DLGAP2: variants seen among roughly 807,000 people sequenced by gnomAD.
DLGAP2 encodes disks large-associated protein 2.
A neutral mutation model predicts 100.3 loss-of-function variants in DLGAP2; 26 were observed. The observed-to-expected ratio is 0.26, with a 90% CI of 0.19 to 0.36. DLGAP2 has a LOEUF of 0.36. Among genes scored for constraint, DLGAP2 ranks in the 10% least tolerant of loss-of-function variants. The pLI, the probability that DLGAP2 is intolerant of heterozygous loss-of-function variation, is 1.00. For missense variants in DLGAP2, 1,858 were observed against 1,453.2 expected, an observed-to-expected ratio of 1.28 and a Z score of -4.53; for synonymous variants, 886 against 630.1, an observed-to-expected ratio of 1.41 and a Z score of -6.08.
At chr8:1,110,478 A>T (rs1307746268) in intron 2 of DLGAP2, among the ~76,000 whole-genome samples, 1 of 140,888 alleles carries the variant, frequency 7.1e-6, no homozygotes, top group African/African-American at 2.7e-5. Flanking sequence ...GGTCTGTGAC[A>T]TGTGCTCGGT....
chr8:791,038 C>T (rs572616206), intron 1 of DLGAP2, among the ~76,000 whole-genome samples: 1 of 152,186 alleles, frequency 6.6e-6, no homozygotes, highest in Non-Finnish European at 1.5e-5. Flanking sequence ...CCACCACGCC[C>T]GGACCAACAT....
intron 3 of DLGAP2, among the ~76,000 whole-genome samples, chr8:1,392,710 T>G (rs949931365): frequency 3.9e-5 from 6 of 152,190 alleles, no homozygotes; most frequent in Non-Finnish European, 8.8e-5. Context: ...CACATCTGCG[T>G]TTCAGTGGAA....
intron 2 of DLGAP2, among the ~76,000 whole-genome samples, chr8:1,153,643 G>T (rs1472375946): frequency 6.6e-6 from 1 of 152,066 alleles, no homozygotes; most frequent in Non-Finnish European, 1.5e-5. Flanking sequence ...CTTTTCACAG[G>T]CGTATCAGAA....
intron 2 of DLGAP2, among the ~76,000 whole-genome samples, chr8:947,399 G>C (rs1336178349): frequency 6.6e-6 from 1 of 152,246 alleles, no homozygotes; most frequent in Non-Finnish European, 1.5e-5. Context: ...GGATTTTCAT[G>C]TTGCGCTGGC....
chr8:1,488,307 G>A lies in DLGAP2; in HGVS notation c.107-13059G>A, dbSNP rs564655550. On this transcript the variant is annotated intron_variant, in intron 3 of 14. Transcript: ENST00000637795. Reference sequence around the variant, plus strand: ...TTTGGCCACAGCAGGAGGACGCAGCGGGGTGGCTCTTCCATGGAGGCCACT... The same window carrying A: ...TTTGGCCACAGCAGGAGGACGCAGCAGGGTGGCTCTTCCATGGAGGCCACT... 7.9e-5 allele frequency among the ~76,000 whole-genome samples: 12 copies of A among 152,268 alleles called. No individual in the cohort carries two copies. The East Asian group carries it at 1.5e-3, about 20-fold the overall frequency.
intron 8 of DLGAP2, among the ~76,000 whole-genome samples, chr8:1,635,707 G>C (rs1185153722): frequency 1.3e-5 from 2 of 152,142 alleles, no homozygotes; most frequent in South Asian, 2.1e-4. Flanking sequence ...GTTATTATTA[G>C]ATTATTTCAC....
intron 2 of DLGAP2, among the ~76,000 whole-genome samples, chr8:941,604 G>C (rs902630972): frequency 6.6e-6 from 1 of 152,126 alleles, no homozygotes; most frequent in African/African-American, 2.4e-5. Context: ...AGCTCTCATC[G>C]TTCTGGAGAT....
chr8:960,736 G>A (rs946308656), intron 2 of DLGAP2, among the ~76,000 whole-genome samples: 3 of 152,124 alleles, frequency 2.0e-5, no homozygotes, highest in Non-Finnish European at 2.9e-5. Flanking sequence ...GTTATAGCCC[G>A]ATAAACCTAT....
In DLGAP2 at chr8:1,613,747, G is replaced by T. The variant is rs78997312; in HGVS notation, c.1443-12993G>T. ...AAGCCCTTTTTCGAGAACCTGTTCTGTACTGCTTCGGACAGATGTAGGTCT... is the reference window on the plus strand; with the variant it reads ...AAGCCCTTTTTCGAGAACCTGTTCTTTACTGCTTCGGACAGATGTAGGTCT... On this transcript the variant is annotated intron_variant, in intron 6 of 14. Coordinates refer to ENST00000637795, the MANE Select transcript of DLGAP2 (RefSeq NM_001346810.2). 3.9e-4 allele frequency among the ~76,000 whole-genome samples: 60 copies of T among 152,276 alleles called. No homozygotes were observed. The East Asian group carries it at 5.8e-3, about 15-fold the overall frequency.
intron 3 of DLGAP2, among the ~76,000 whole-genome samples, chr8:1,361,045 T>C (rs1325557352): frequency 1.3e-5 from 2 of 152,238 alleles, no homozygotes; most frequent in Non-Finnish European, 2.9e-5. Context: ...TGTGATCCTT[T>C]CCTTTTAAGC....
chr8:1,279,712 G>A (rs1799777335), intron 3 of DLGAP2, among the ~76,000 whole-genome samples: 1 of 152,182 alleles, frequency 6.6e-6, no homozygotes, highest in African/African-American at 2.4e-5. Flanking sequence ...CAGCCAGCTG[G>A]TAAGATTTAT....
intron 3 of DLGAP2, among the ~76,000 whole-genome samples, chr8:1,412,654 G>A (rs763342571): frequency 6.6e-6 from 1 of 152,172 alleles, no homozygotes. Context: ...CCACTGTGAA[G>A]ATCACAGGCT....
At chr8:1,021,815 G>C (rs1801631107) in intron 2 of DLGAP2, among the ~76,000 whole-genome samples, 1 of 152,128 alleles carries the variant, frequency 6.6e-6, no homozygotes, top group South Asian at 2.1e-4. Context: ...ACCACTGTCA[G>C]TGGTGGGAGG....
intron 2 of DLGAP2, among the ~76,000 whole-genome samples, chr8:1,105,608 C>T (rs999486501): frequency 1.1e-4 from 13 of 114,054 alleles, no homozygotes; most frequent in Non-Finnish European, 2.1e-4. Context: ...TTGAAGGGAG[C>T]CATTCTAGGG....
chr8:965,685 T>C (rs1374757949), intron 2 of DLGAP2, among the ~76,000 whole-genome samples: 1 of 140,984 alleles, frequency 7.1e-6, no homozygotes, highest in African/African-American at 2.8e-5. Flanking sequence ...CACGGCACTG[T>C]TCACCTCACA....
intron 3 of DLGAP2, among the ~76,000 whole-genome samples, chr8:1,325,431 G>C (rs995102825): frequency 6.6e-6 from 1 of 152,236 alleles, no homozygotes; most frequent in African/African-American, 2.4e-5. Flanking sequence ...CAGCCCGGCT[G>C]CTGTAGCGCG....
intron 3 of DLGAP2, among the ~76,000 whole-genome samples, chr8:1,336,022 A>G (rs1208650264): frequency 3.9e-5 from 6 of 152,096 alleles, no homozygotes; most frequent in Admixed American, 2.0e-4. Context: ...ATCACAATAT[A>G]AAGAAACTCT....
intron 3 of DLGAP2, among the ~76,000 whole-genome samples, chr8:1,445,021 C>T (rs1006592654): frequency 5.3e-5 from 8 of 150,858 alleles, no homozygotes; most frequent in African/African-American, 9.7e-5. Flanking sequence ...CCACCCACCT[C>T]GGCCTCCCAA....
At chr8:1,524,926 G>C (rs184828494) in intron 4 of DLGAP2, among the ~76,000 whole-genome samples, 1 of 151,996 alleles carries the variant, frequency 6.6e-6, no homozygotes, top group Admixed American at 6.6e-5. Context: ...ATTTGTCCCC[G>C]GTTATTTGTT....
Sources: allele counts gnomAD v4.1 joint callset (sites outside exome capture counted in the v4.1 genomes callset), GRCh38; gene constraint gnomAD v4.1.1; transcripts MANE v1.5; gene names NCBI Gene and HGNC (gene_info 2026-07-23, HGNC 2026-07-21).